The following FUBP3 variants were observed in gnomAD, a reference collection of about 807,000 sequenced individuals.
FUBP3 encodes the protein far upstream element binding protein 3.
A neutral mutation model predicts 85.6 loss-of-function variants in FUBP3; 28 were observed. The ratio of observed to expected loss-of-function variants is 0.33; its 90% confidence interval spans 0.24 to 0.45. FUBP3 has a LOEUF of 0.45. Ranked by LOEUF, FUBP3 falls within the 20% of genes least tolerant of loss-of-function variation. The pLI, the probability that FUBP3 is intolerant of heterozygous loss-of-function variation, is 1.00. For synonymous variants in FUBP3, 271 were observed against 271.4 expected (o/e 1.00, Z 0.01); for missense variants, 583 against 755.1 (o/e 0.77, Z 2.67).
chr9:130,585,354 G>T (rs1438639608), intron 1 of FUBP3, among the ~76,000 whole-genome samples: 1 of 152,112 alleles, frequency 6.6e-6, no homozygotes, highest in Non-Finnish European at 1.5e-5. Flanking sequence ...CTAATTGACA[G>T]TTTTTTACTT....
At chr9:130,625,930 G>A (rs1829952568) in intron 11 of FUBP3, among the ~76,000 whole-genome samples, 1 of 152,150 alleles carries the variant, frequency 6.6e-6, no homozygotes, top group South Asian at 2.1e-4. Context: ...TGCCTGGTTG[G>A]GGAGGGTCAG....
intron 1 of FUBP3, among the ~76,000 whole-genome samples, chr9:130,595,010 C>T (rs1354756194): frequency 6.6e-6 from 1 of 151,740 alleles, no homozygotes; most frequent in Non-Finnish European, 1.5e-5. Context: ...GCAGATCACC[C>T]GAGGTTGGGC....
intron 9 of FUBP3, among the ~76,000 whole-genome samples, chr9:130,621,822 G>A (rs920360465): frequency 6.6e-6 from 1 of 151,484 alleles, no homozygotes; most frequent in African/African-American, 2.4e-5. Flanking sequence ...GGAGAATGGC[G>A]TGAACCTGGG....
At chr9:130,582,769 T>G (rs1363533283) in intron 1 of FUBP3, among the ~76,000 whole-genome samples, 1 of 152,250 alleles carries the variant, frequency 6.6e-6, no homozygotes, top group Non-Finnish European at 1.5e-5. Context: ...CTAGAAGGTC[T>G]ACCATTGATA....
chr9:130,582,450 CAAA>C (rs71387370), intron 1 of FUBP3, among the ~76,000 whole-genome samples: 1 of 124,706 alleles, frequency 8.0e-6, no homozygotes, highest in Non-Finnish European at 1.7e-5. Context: ...GACACTGTCT[CAAA>C]AAAAAAAAAA....
chr9:130,582,721 A>ATGT (rs1474550618), intron 1 of FUBP3, among the ~76,000 whole-genome samples: 1 of 152,176 alleles, frequency 6.6e-6, no homozygotes, highest in Non-Finnish European at 1.5e-5. Context: ...AGTCTGGTTT[A>ATGT]TGTTGTTCCA....
At chr9:130,589,675 G>GTGTATATATATATATA (rs869282275) in intron 1 of FUBP3, among the ~76,000 whole-genome samples, 4 of 34,308 alleles carry the variant, frequency 1.2e-4, no homozygotes, top group African/African-American at 4.0e-4. Flanking sequence ...GTATGTGTGT[G>GTGTATATATATATATA]TATATATATA....
At chr9:130,596,048 T>C (rs1354569799) in intron 2 of FUBP3, among the ~76,000 whole-genome samples, 1 of 152,238 alleles carries the variant, frequency 6.6e-6, no homozygotes, top group African/African-American at 2.4e-5. Flanking sequence ...TTCCCATTTA[T>C]GTCAGGCTTT....
intron 1 of FUBP3, among the ~76,000 whole-genome samples, chr9:130,585,905 T>C (rs1481919495): frequency 6.6e-6 from 1 of 152,232 alleles, no homozygotes; most frequent in Admixed American, 6.5e-5. Flanking sequence ...TCTCTCTCCT[T>C]TTCTGTGTAG....
intron 6 of FUBP3, among the ~76,000 whole-genome samples, chr9:130,615,435 T>G (rs1271405121): frequency 2.6e-5 from 4 of 152,230 alleles, no homozygotes; most frequent in Non-Finnish European, 5.9e-5. Flanking sequence ...AGGAAACAAA[T>G]TTCATTGTCT....
intron 3 of FUBP3, among the ~76,000 whole-genome samples, chr9:130,611,308 G>A (rs1026080547): frequency 2.5e-4 from 38 of 152,188 alleles, no homozygotes; most frequent in Non-Finnish European, 4.4e-5. Flanking sequence ...CAGGGACCTG[G>A]CTTCTGCTGC....
chr9:130,624,380 T>TA (rs1829879106), intron 11 of FUBP3, among the ~76,000 whole-genome samples: 1 of 152,210 alleles, frequency 6.6e-6, no homozygotes, highest in Non-Finnish European at 1.5e-5. Flanking sequence ...TGGTGGTTCT[T>TA]ACTCAAATTA....
Position 130,624,232 on chromosome 9 carries a change from G to A in FUBP3, c.975+521G>A, listed in dbSNP as rs115586883. Among the ~76,000 whole-genome samples, 816 of 152,342 alleles carry A rather than the reference G, an allele frequency of 5.4e-3. 9 individuals are homozygous for A. Among genetic ancestry groups the A allele is most frequent in the African/African-American group, 0.019 (780 of 41,584 alleles). ...AACGGAAGAATAAAGCAAGAGATTG[G>A]AAATTATAGTCCCAGCTCTGCCATC... On this transcript the variant is annotated intron_variant, in intron 11 of 18. Coordinates refer to ENST00000319725, the MANE Select transcript of FUBP3 (RefSeq NM_003934.2).
At chr9:130,603,347 CAAAAA>C (rs34850259) in intron 2 of FUBP3, among the ~76,000 whole-genome samples, 4 of 83,830 alleles carry the variant, frequency 4.8e-5, no homozygotes, top group African/African-American at 1.5e-4. Context: ...ACTCTGTCTC[CAAAAA>C]AAAAAAAAAA....
At position 130,630,648 on chromosome 9, in the gene FUBP3, A is replaced by G. The variant is rs2119123447; in HGVS notation, c.1138A>G (p.Ile380Val). The G allele has an allele frequency of 6.3e-7, 1 of 1,598,044 alleles. No homozygotes were observed. Among genetic ancestry groups the G allele is most frequent in the Middle Eastern group, 1.7e-4 (1 of 6,006 alleles). ...CGCAGGGGGTGAGAACATCAAAAGC[A>G]TCAACCAGCAGTCAGGGGCGCACGT... is the stretch of plus-strand genomic sequence containing the variant. ...IGKGGENIKSINQQSGAHVEL... is the reference protein window; with the variant it reads ...IGKGGENIKSVNQQSGAHVEL... Residue 380 changes from isoleucine to valine, a missense_variant, in exon 13 of 19, where the codon ATC becomes GTC. Ile to Val is a conservative substitution (Grantham distance 29, BLOSUM62 3). This residue lies in a region of FUBP3 where 404 missense variants were observed against 516.8 expected (regional missense o/e 0.78). Transcript: ENST00000319725.
chr9:130,632,068 TG>T, intron 15 of FUBP3, 46 bp downstream of exon 15: 1 of 1,505,530 alleles, frequency 6.6e-7, no homozygotes, highest in South Asian at 1.1e-5. Flanking sequence ...GGCACTAAGG[TG>T]GTCACTTGGC....
chr9:130,604,673 A>C (rs1014598704), intron 2 of FUBP3, among the ~76,000 whole-genome samples: 1 of 152,188 alleles, frequency 6.6e-6, no homozygotes, highest in Admixed American at 6.5e-5. Context: ...CAAGGCAGAC[A>C]GATCAACGAG....
chr9:130,583,761 A>C (rs1411909347), intron 1 of FUBP3, among the ~76,000 whole-genome samples: 1 of 152,218 alleles, frequency 6.6e-6, no homozygotes, highest in African/African-American at 2.4e-5. Flanking sequence ...TGTGTGCGCC[A>C]CCACATGTTA....
Position 130,626,521 on chromosome 9 carries a change from G to A in FUBP3, c.1117+16G>A, listed in dbSNP as rs1367512171. 1 of 1,612,350 alleles carries A rather than the reference G, an allele frequency of 6.2e-7. No homozygotes were observed. Among genetic ancestry groups the A allele is most frequent in the African/African-American group, 1.3e-5 (1 of 74,888 alleles). On this transcript the variant is annotated intron_variant, in intron 12 of 18. Coordinates refer to ENST00000319725, the MANE Select transcript of FUBP3 (RefSeq NM_003934.2). ...ATAGGCAAAGGTAAGAGGCAGCTGGGGTTTCACATCCCCCCTCAGCTGTTT... is the reference window on the plus strand; with the variant it reads ...ATAGGCAAAGGTAAGAGGCAGCTGGAGTTTCACATCCCCCCTCAGCTGTTT...
Sources: allele counts gnomAD v4.1 joint callset (sites outside exome capture counted in the v4.1 genomes callset), GRCh38; gene constraint gnomAD v4.1.1; regional missense constraint gnomAD v4.1.1; transcripts MANE v1.5; gene names NCBI Gene and HGNC (gene_info 2026-07-23, HGNC 2026-07-21).